The following SLC24A2 variants were observed in gnomAD, a reference collection of about 807,000 sequenced individuals.
The protein encoded by SLC24A2 is solute carrier family 24 member 2, also known as sodium/potassium/calcium exchanger 2.
Under a neutral mutation model 62.0 loss-of-function variants are expected in SLC24A2, and 36 were observed. That is an observed-to-expected ratio of 0.58 (90% confidence interval 0.44 to 0.77). The LOEUF is 0.77. Among genes scored for constraint, SLC24A2 ranks in the 30% least tolerant of loss-of-function variants. SLC24A2 has a pLI of 0.00. For missense variants in SLC24A2, 846 were observed against 817.9 expected (o/e 1.03, Z -0.42); for synonymous variants, 358 against 294.0 (o/e 1.22, Z -2.23).
the SLC24A2 span, among the ~76,000 whole-genome samples, chr9:20,207,043 A>G: frequency 9.2e-5 from 14 of 152,198 alleles, no homozygotes; most frequent in African/African-American, 3.1e-4. Flanking sequence ...CTGAATTTTC[A>G]TTGAACCTGT....
At chr9:20,161,757 T>TACGC in the SLC24A2 span, among the ~76,000 whole-genome samples, 2 of 147,232 alleles carry the variant, frequency 1.4e-5, no homozygotes, top group Non-Finnish European at 3.0e-5. Context: ...AACATGAAGA[T>TACGC]ACACACACAC....
the SLC24A2 span, among the ~76,000 whole-genome samples, chr9:20,201,033 G>A: frequency 6.6e-6 from 1 of 152,186 alleles, no homozygotes; most frequent in Non-Finnish European, 1.5e-5. Flanking sequence ...GCAGAGTCCA[G>A]TTTGCATCTC....
chr9:20,250,916 C>T, the SLC24A2 span, among the ~76,000 whole-genome samples: 2 of 152,098 alleles, frequency 1.3e-5, no homozygotes, highest in Non-Finnish European at 2.9e-5. Context: ...GTAAGCTTGA[C>T]AGCCTGATTC....
intron 2 of SLC24A2, among the ~76,000 whole-genome samples, chr9:19,636,318 T>TCTTTTCTTTTCTTTTCTTTTCTTTC (rs1554690366): frequency 3.1e-5 from 1 of 32,220 alleles, no homozygotes; most frequent in African/African-American, 1.2e-4. Context: ...TCTTTTCTTT[T>TCTTTTCTTTTCTTTTCTTTTCTTTC]CTTTCTTTCT....
chr9:20,277,932 T>C, the SLC24A2 span, among the ~76,000 whole-genome samples: 1 of 152,182 alleles, frequency 6.6e-6, no homozygotes, highest in Non-Finnish European at 1.5e-5. Flanking sequence ...TCATGTCCTT[T>C]GTAGGAACAT....
chr9:20,005,959 A>AT, the SLC24A2 span, among the ~76,000 whole-genome samples: 1 of 151,650 alleles, frequency 6.6e-6, no homozygotes, highest in Non-Finnish European at 1.5e-5. Flanking sequence ...GATAGCCAGC[A>AT]TATCAGTACC....
chr9:19,640,370 A>T (rs1369335144), intron 2 of SLC24A2, among the ~76,000 whole-genome samples: 1 of 152,230 alleles, frequency 6.6e-6, no homozygotes, highest in Non-Finnish European at 1.5e-5. Flanking sequence ...GTACTGCTAT[A>T]AAAAACACCT....
At chr9:20,124,733 C>A in the SLC24A2 span, among the ~76,000 whole-genome samples, 1 of 152,198 alleles carries the variant, frequency 6.6e-6, no homozygotes. Context: ...GCCCCCAGTT[C>A]CCTCTCTTAG....
At chr9:19,978,144 G>C in the SLC24A2 span, among the ~76,000 whole-genome samples, 117,236 of 152,090 alleles carry the variant, frequency 0.77, 45,550 homozygotes, top group Non-Finnish European at 0.82. Flanking sequence ...AAAGTCCAAC[G>C]TGCCTCAAAC....
At chr9:20,156,711 T>G in the SLC24A2 span, among the ~76,000 whole-genome samples, 1 of 151,784 alleles carries the variant, frequency 6.6e-6, no homozygotes, top group Admixed American at 6.6e-5. Context: ...ACAAGCTTTT[T>G]CATCTACCAA....
At chr9:20,099,229 G>T in the SLC24A2 span, among the ~76,000 whole-genome samples, 1 of 152,182 alleles carries the variant, frequency 6.6e-6, no homozygotes, top group South Asian at 2.1e-4. Flanking sequence ...CTTGAAACAT[G>T]TTAATATAGT....
At chr9:19,839,500 T>C in the SLC24A2 span, among the ~76,000 whole-genome samples, 10 of 152,328 alleles carry the variant, frequency 6.6e-5, no homozygotes, top group South Asian at 2.1e-3. Context: ...TTTCTCTATA[T>C]AGAACCACCT....
the SLC24A2 span, among the ~76,000 whole-genome samples, chr9:19,869,145 C>T: frequency 1.3e-5 from 2 of 152,044 alleles, no homozygotes; most frequent in Non-Finnish European, 2.9e-5. Context: ...CCATTCCTGG[C>T]TAATTTTTTA....
At chr9:19,549,545 T>G (rs1415453576) in intron 8 of SLC24A2, among the ~76,000 whole-genome samples, 1 of 152,160 alleles carries the variant, frequency 6.6e-6, no homozygotes, top group Non-Finnish European at 1.5e-5. Context: ...TGTAAAACAT[T>G]TCACTATCCT....
chr9:19,838,420 A>T, the SLC24A2 span, among the ~76,000 whole-genome samples: 60 of 151,668 alleles, frequency 4.0e-4, no homozygotes, highest in African/African-American at 1.4e-3. Flanking sequence ...AAATTAATTC[A>T]AGATGGATTA....
At chr9:19,661,575 T>C (rs12686758) in intron 2 of SLC24A2, among the ~76,000 whole-genome samples, 11,277 of 152,270 alleles carry the variant, frequency 0.074, 460 homozygotes, top group African/African-American at 0.11. Context: ...AGAGTATCAA[T>C]GTGGAGCATA....
rs184555585 is a variant in SLC24A2 at position 19,741,063 on chromosome 9, T to C, written c.930+44874A>G. On this transcript the variant is annotated intron_variant, in intron 2 of 10. Coordinates refer to ENST00000341998, the MANE Select transcript of SLC24A2 (RefSeq NM_020344.4). ...AGATGTTGCTATCCTCTGTATGTCC[T>C]TCCTGGCACCTAGAATGCTGTCTCA... Among the ~76,000 whole-genome samples the C allele has an allele frequency of 9.8e-4, 149 of 152,312 alleles. 1 individual carries two copies. The highest frequency in any genetic ancestry group is 9.3e-3 in the South Asian group (45 of 4,826).
At chr9:20,191,617 G>A in the SLC24A2 span, among the ~76,000 whole-genome samples, 2 of 151,376 alleles carry the variant, frequency 1.3e-5, no homozygotes, top group African/African-American at 2.4e-5. Flanking sequence ...TCCACCAGGG[G>A]CCACCTAAGA....
At chr9:20,032,420 A>ATTCC in the SLC24A2 span, among the ~76,000 whole-genome samples, 72 of 19,108 alleles carry the variant, frequency 3.8e-3, no homozygotes, top group Non-Finnish European at 3.3e-3. Flanking sequence ...TTGAATTAGT[A>ATTCC]TTAATTAGTT....
Sources: allele counts gnomAD v4.1 joint callset (sites outside exome capture counted in the v4.1 genomes callset), GRCh38; gene constraint gnomAD v4.1.1; transcripts MANE v1.5; gene names NCBI Gene and HGNC (gene_info 2026-07-23, HGNC 2026-07-21).